SLC6A3: variants seen among roughly 807,000 people sequenced by gnomAD.
SLC6A3 encodes solute carrier family 6 member 3.
In SLC6A3, 19 loss-of-function variants were observed where a neutral mutation model predicts 70.4. The observed-to-expected ratio is 0.27, with a 90% CI of 0.19 to 0.40. The LOEUF is 0.40. Ranked by LOEUF, SLC6A3 falls within the 10% of genes least tolerant of loss-of-function variation. The pLI, the probability that SLC6A3 is intolerant of heterozygous loss-of-function variation, is 1.00. For synonymous variants in SLC6A3, 368 were observed against 356.6 expected (o/e 1.03, Z -0.36); for missense variants, 613 against 838.5 (o/e 0.73, Z 3.32).
At position 1,442,905 on chromosome 5, in the gene SLC6A3, G is replaced by A. The variant is rs1164831804; in HGVS notation, c.286+7C>T. 4 of 1,614,002 alleles carry A rather than the reference G, an allele frequency of 2.5e-6. No homozygotes were observed. Among genetic ancestry groups the A allele is most frequent in the Non-Finnish European group, 3.4e-6 (4 of 1,179,998 alleles). ...AGCATGCTCAGGGAGGCTGAGATGG[G>A]ACTTACCGCCACCATTTTTGTAGCA... is the stretch of plus-strand genomic sequence containing the variant. On this transcript the variant is annotated splice_region_variant and intron_variant, in intron 2 of 14. Coordinates refer to ENST00000270349, the MANE Select transcript of SLC6A3 (RefSeq NM_001044.5). This position sits in a 1 kb window ranked among gnomAD's most constrained non-coding sequence, Gnocchi z 5.0.
Position 1,402,859 on chromosome 5 carries a change from A to C in SLC6A3, c.1767+63T>G. ...AGGCAGGTGAGGACTGGGGCCATGGACACCCACGGAGCCTTTCTGGTGGCC... is the reference window on the plus strand; with the variant it reads ...AGGCAGGTGAGGACTGGGGCCATGGCCACCCACGGAGCCTTTCTGGTGGCC... On this transcript the variant is annotated intron_variant, in intron 13 of 14. Transcript: ENST00000270349. The surrounding 1 kb of genome is among the most constrained non-coding windows in gnomAD (Gnocchi z 8.5). The C allele has an allele frequency of 6.5e-7, 1 of 1,537,816 alleles. No individual in the cohort carries two copies. The highest frequency in any genetic ancestry group is 8.9e-7 in the Non-Finnish European group (1 of 1,121,198).
rs1756827784 is a variant in SLC6A3, at chr5:1,436,072, TGG to T, written c.419-3376_419-3375del. 6.7e-6 allele frequency among the ~76,000 whole-genome samples: 1 copy of T among 148,476 alleles called. No individual in the cohort carries two copies. On this transcript the variant is annotated intron_variant, in intron 3 of 14. Coordinates refer to ENST00000270349, the MANE Select transcript of SLC6A3 (RefSeq NM_001044.5). This position sits in a 1 kb window ranked among gnomAD's most constrained non-coding sequence, Gnocchi z 5.2. ...TGAACGGTGGTGGCCAGTCCCCTCCTGGATGCTTCCCTGGGCACCTGGGTGAG... is the reference window on the plus strand; with the variant it reads ...TGAACGGTGGTGGCCAGTCCCCTCCTATGCTTCCCTGGGCACCTGGGTGAG...
rs28382227 is a variant in SLC6A3, at chr5:1,441,596, C to T, written c.287-106G>A. The T allele has an allele frequency of 1.1e-3, 1,365 of 1,285,136 alleles. 12 individuals carry two copies. In the African/African-American group the frequency reaches 0.015, roughly 14 times the overall value. The allele number at this position is 1,285,136 out of a possible 1,614,324, so 79.6% of individuals were successfully genotyped here. A position where few individuals can be genotyped will look rare whatever the true frequency, so the allele number is the denominator to read the frequency against. ...GTCAACCATCCATGTCCTGGCCCGACCGTTTCACCCCACTCTCCAACGGGA... is the reference window on the plus strand; with the variant it reads ...GTCAACCATCCATGTCCTGGCCCGATCGTTTCACCCCACTCTCCAACGGGA... On this transcript the variant is annotated intron_variant, in intron 2 of 14. Transcript: ENST00000270349.
chr5:1,396,409 A>G lies in SLC6A3; in HGVS notation c.1840-1651T>C, dbSNP rs1755720201. On this transcript the variant is annotated intron_variant, in intron 14 of 14. Transcript: ENST00000270349. This position sits in a 1 kb window ranked among gnomAD's most constrained non-coding sequence, Gnocchi z 7.0. ...TCAGTGGTCCCTGAGGGAAGCCAACAAGGAGGCCCCCCTGCCACCCTGCTC... is the reference window on the plus strand; with the variant it reads ...TCAGTGGTCCCTGAGGGAAGCCAACGAGGAGGCCCCCCTGCCACCCTGCTC... 6.6e-6 allele frequency among the ~76,000 whole-genome samples: 1 copy of G among 152,246 alleles called. No homozygotes were observed. Among genetic ancestry groups the G allele is most frequent in the African/African-American group, 2.4e-5 (1 of 41,454 alleles).
chr5:1,424,573 C>A (rs1198078168), intron 4 of SLC6A3, among the ~76,000 whole-genome samples: 1 of 152,246 alleles, frequency 6.6e-6, no homozygotes, highest in Non-Finnish European at 1.5e-5. Context: ...AGACAGCACA[C>A]CCTCTCCCCT....
Position 1,411,489 on chromosome 5 carries a change from G to A in SLC6A3, c.1157-134C>T, listed in dbSNP as rs536456745. The A allele has an allele frequency of 5.5e-6, 4 of 729,174 alleles. No individual in the cohort carries two copies. The highest frequency in any genetic ancestry group is 9.8e-6 in the Non-Finnish European group (4 of 408,954). 45.2% of individuals were successfully genotyped at this position (729,174 alleles called of 1,614,324 possible). A position where few individuals can be genotyped will look rare whatever the true frequency, so the allele number is the denominator to read the frequency against. On this transcript the variant is annotated intron_variant, in intron 8 of 14. Transcript: ENST00000270349. This position sits in a 1 kb window ranked among gnomAD's most constrained non-coding sequence, Gnocchi z 6.5. Reference sequence around the variant, plus strand: ...AGGGCTGGTGCGGCTCTGCTGAAAAGCCCCCTTCTATATGTCCAGCAGACC... The same window carrying A: ...AGGGCTGGTGCGGCTCTGCTGAAAAACCCCCTTCTATATGTCCAGCAGACC...
In SLC6A3 at chr5:1,411,506, C is replaced by T. The variant is rs750068045; in HGVS notation, c.1157-151G>A. On this transcript the variant is annotated intron_variant, in intron 8 of 14. Coordinates refer to ENST00000270349, the MANE Select transcript of SLC6A3 (RefSeq NM_001044.5). The surrounding 1 kb of genome is among the most constrained non-coding windows in gnomAD (Gnocchi z 6.5). ...GCTGAAAAGCCCCCTTCTATATGTCCAGCAGACCAGGCCTGGGACTCAGGA... is the reference window on the plus strand; with the variant it reads ...GCTGAAAAGCCCCCTTCTATATGTCTAGCAGACCAGGCCTGGGACTCAGGA... The T allele has an allele frequency of 1.4e-6, 1 of 701,468 alleles. No homozygotes were observed. Among genetic ancestry groups the T allele is most frequent in the Non-Finnish European group, 2.6e-6 (1 of 386,830 alleles). 43.5% of individuals were successfully genotyped at this position (701,468 alleles called of 1,614,324 possible).
intron 4 of SLC6A3, 65 bp downstream of exon 4, chr5:1,432,399 G>T: frequency 1.6e-6 from 2 of 1,262,638 alleles, no homozygotes; most frequent in Non-Finnish European, 2.3e-6. Context: ...GTCCAACCAA[G>T]GGGCTACCAT....
intron 7 of SLC6A3, among the ~76,000 whole-genome samples, chr5:1,415,088 T>C (rs1027906105): frequency 6.6e-6 from 1 of 151,996 alleles, no homozygotes; most frequent in Non-Finnish European, 1.5e-5. Flanking sequence ...AGTCTTGCTG[T>C]GGACACCTCA....
At chr5:1,430,262 C>T (rs1055278601) in intron 4 of SLC6A3, among the ~76,000 whole-genome samples, 6 of 152,132 alleles carry the variant, frequency 3.9e-5, no homozygotes, top group Non-Finnish European at 8.8e-5. Flanking sequence ...CCTCAGAGTT[C>T]GTCACTCTTG....
chr5:1,444,420 G>A (rs1442020541), intron 1 of SLC6A3, among the ~76,000 whole-genome samples: 2 of 151,878 alleles, frequency 1.3e-5, no homozygotes, highest in African/African-American at 2.4e-5. Flanking sequence ...ACACAGGCGA[G>A]CACATACACT....
Position 1,436,371 on chromosome 5 carries a change from TA to T in SLC6A3, c.419-3674del, listed in dbSNP as rs769194559. Among the ~76,000 whole-genome samples, 5 of 152,136 alleles carry T rather than the reference TA, an allele frequency of 3.3e-5. No homozygotes were observed. The highest frequency in any genetic ancestry group is 7.4e-5 in the Non-Finnish European group (5 of 68,022). ...ATGAAGCTTCACCTGACACATTTCTTAAACACCATTTAGTGACACGGGAGAC... is the reference window on the plus strand; with the variant it reads ...ATGAAGCTTCACCTGACACATTTCTTAACACCATTTAGTGACACGGGAGAC... On this transcript the variant is annotated intron_variant, in intron 3 of 14. Transcript: ENST00000270349. This position sits in a 1 kb window ranked among gnomAD's most constrained non-coding sequence, Gnocchi z 5.2.
Position 1,404,030 on chromosome 5 carries a change from G to A in SLC6A3, c.1600-941C>T, listed in dbSNP as rs1755913012. Among the ~76,000 whole-genome samples the A allele has an allele frequency of 6.6e-6, 1 of 152,242 alleles. No homozygotes were observed. The highest frequency in any genetic ancestry group is 2.4e-5 in the African/African-American group (1 of 41,460). On this transcript the variant is annotated intron_variant, in intron 12 of 14. Coordinates refer to ENST00000270349, the MANE Select transcript of SLC6A3 (RefSeq NM_001044.5). The surrounding 1 kb of genome is among the most constrained non-coding windows in gnomAD (Gnocchi z 5.2). ...CAAGGACACAAGTGAAGCTCTGATA[G>A]ATATGGTTTATGATGTAGCTTAAAA...
rs115543399 is a variant in SLC6A3, at chr5:1,413,912, A to G, written c.1156+779T>C. Among the ~76,000 whole-genome samples the G allele has an allele frequency of 1.6e-3, 237 of 152,208 alleles. 1 individual carries two copies. The highest frequency in any genetic ancestry group is 5.5e-3 in the African/African-American group (229 of 41,526). ...CATCTGTGCCCGTCCTGCCGGCTCCATCCTGCCTGGCACACTTCTTGCTGT... is the reference window on the plus strand; with the variant it reads ...CATCTGTGCCCGTCCTGCCGGCTCCGTCCTGCCTGGCACACTTCTTGCTGT... On this transcript the variant is annotated intron_variant, in intron 8 of 14. Transcript: ENST00000270349. This position sits in a 1 kb window ranked among gnomAD's most constrained non-coding sequence, Gnocchi z 7.1.
intron 4 of SLC6A3, among the ~76,000 whole-genome samples, chr5:1,423,212 G>A (rs878958816): frequency 2.1e-4 from 15 of 70,036 alleles, no homozygotes; most frequent in African/African-American, 2.7e-4. Flanking sequence ...CCATGGTGCT[G>A]GGTACCCACC....
At position 1,400,963 on chromosome 5, in the gene SLC6A3, G is replaced by T; in HGVS notation, c.1791C>A (p.Pro597=). 6.3e-7 allele frequency: 1 copy of T among 1,597,116 alleles called. No homozygotes were observed. The highest frequency in any genetic ancestry group is 8.5e-7 in the Non-Finnish European group (1 of 1,169,990). The change falls in exon 14 of 15, where the codon CCC becomes CCA. Residue 597 remains proline, a synonymous_variant. Transcript: ENST00000270349. ...FREKLAYAIA[P]EKDRELVDRG... is the part of the protein sequence containing the mutation. ...TGTCCACCAGCTCACGGTCCTTCTC[G>T]GGTGCAATGGCGTAGGCCAGTTTCT... is the stretch of plus-strand genomic sequence containing the variant.
chr5:1,420,782 T>C (rs1325324586), intron 5 of SLC6A3, 79 bp from the exon 6 acceptor site: 1 of 1,525,228 alleles, frequency 6.6e-7, no homozygotes, highest in Non-Finnish European at 9.1e-7. Flanking sequence ...GGGCACCGGG[T>C]TGCCCTGACG....
intron 14 of SLC6A3, among the ~76,000 whole-genome samples, chr5:1,395,956 T>C (rs1755707631): frequency 6.6e-6 from 1 of 152,194 alleles, no homozygotes; most frequent in Admixed American, 6.5e-5. Context: ...CAGCCCACTC[T>C]AAGTGAGTCC....
In SLC6A3 at chr5:1,438,064, C is replaced by G. The variant is rs754507217; in HGVS notation, c.418+3295G>C. On this transcript the variant is annotated intron_variant, in intron 3 of 14. Transcript: ENST00000270349. The surrounding 1 kb of genome is among the most constrained non-coding windows in gnomAD (Gnocchi z 6.5). ...GTAGGCAGAACAAACGGGACGCTGG[C>G]ACCGGAACCTGCAGCGTTACTGAGA... Among the ~76,000 whole-genome samples the G allele has an allele frequency of 3.3e-5, 5 of 152,242 alleles. No individual in the cohort carries two copies. The highest frequency in any genetic ancestry group is 5.9e-5 in the Non-Finnish European group (4 of 68,046).
Sources: allele counts gnomAD v4.1 joint callset (sites outside exome capture counted in the v4.1 genomes callset), GRCh38; gene constraint gnomAD v4.1.1; non-coding constraint Gnocchi (gnomAD v3.1); transcripts MANE v1.5; gene names NCBI Gene and HGNC (gene_info 2026-07-23, HGNC 2026-07-21).